The following OXR1 variants were observed in gnomAD, a reference collection of about 807,000 sequenced individuals.
OXR1 encodes oxidation resistance protein 1.
In OXR1, 41 loss-of-function variants were observed where a neutral mutation model predicts 104.6. The ratio of observed to expected loss-of-function variants is 0.39; its 90% confidence interval spans 0.31 to 0.51. OXR1 has a LOEUF of 0.51. Among genes scored for constraint, OXR1 ranks in the 20% least tolerant of loss-of-function variants. The pLI is 0.77. For synonymous variants in OXR1, 348 were observed against 348.4 expected, an observed-to-expected ratio of 1.00 and a Z score of 0.01; for missense variants, 955 against 1,031.9, an observed-to-expected ratio of 0.93 and a Z score of 1.02.
chr8:106,530,865 CAT>C (rs1313670281), intron 3 of OXR1, among the ~76,000 whole-genome samples: 1 of 152,004 alleles, frequency 6.6e-6, no homozygotes, highest in Non-Finnish European at 1.5e-5. Context: ...ATAACTGAAA[CAT>C]GATTTCAGGA....
At chr8:106,696,979 C>T (rs1830099174) in intron 7 of OXR1, among the ~76,000 whole-genome samples, 1 of 152,156 alleles carries the variant, frequency 6.6e-6, no homozygotes, top group South Asian at 2.1e-4. Flanking sequence ...AATTAAGTTC[C>T]TGCAGCCACA....
chr8:106,502,491 G>A (rs905682672), intron 2 of OXR1, among the ~76,000 whole-genome samples: 2 of 152,134 alleles, frequency 1.3e-5, no homozygotes, highest in African/African-American at 2.4e-5. Flanking sequence ...TACAGTCCAT[G>A]CCCACCAGAT....
chr8:106,456,208 A>T (rs1820587240), intron 2 of OXR1, among the ~76,000 whole-genome samples: 1 of 152,206 alleles, frequency 6.6e-6, no homozygotes, highest in Non-Finnish European at 1.5e-5. Flanking sequence ...CACCCAGAGG[A>T]TGAAGATATA....
At chr8:106,294,397 A>C (rs1240320165) in intron 1 of OXR1, among the ~76,000 whole-genome samples, 1 of 138,182 alleles carries the variant, frequency 7.2e-6, no homozygotes, top group Admixed American at 7.4e-5. Context: ...CTCTGTCTCA[A>C]AAAAAAAAAA....
chr8:106,573,251 TG>T (rs1241535543), intron 3 of OXR1, among the ~76,000 whole-genome samples: 2 of 151,726 alleles, frequency 1.3e-5, no homozygotes, highest in Non-Finnish European at 2.9e-5. Context: ...ACCCCACCCC[TG>T]CCCCACCACA....
In OXR1 at chr8:106,557,554, T is replaced by C. The variant is rs944834291; in HGVS notation, c.220+38415T>C. Among the ~76,000 whole-genome samples the C allele has an allele frequency of 1.6e-4, 24 of 151,750 alleles. 1 individual carries two copies. The highest frequency in any genetic ancestry group is 5.3e-4 in the African/African-American group (22 of 41,354). ...CTACTGTTTTTTAGAATTCTACTTT[T>C]TTTTTTTTAAATTAGGAATAACTTT... On this transcript the variant is annotated intron_variant, in intron 3 of 16. Transcript: ENST00000517566.
intron 2 of OXR1, among the ~76,000 whole-genome samples, chr8:106,461,706 C>A (rs908684338): frequency 2.0e-5 from 3 of 152,132 alleles, no homozygotes; most frequent in Non-Finnish European, 4.4e-5. Flanking sequence ...TGTAAATTGA[C>A]AATAATATTA....
In OXR1 at chr8:106,706,375, A is replaced by G. The variant is rs1360719204; in HGVS notation, c.861-7A>G. ...GTCTAATTATTTTTAATTTTGTTTA[A>G]TGACAGAGATATAGATCAGCTATCA... On this transcript the variant is annotated splice_polypyrimidine_tract_variant and splice_region_variant and intron_variant, in intron 8 of 16. Coordinates refer to ENST00000517566, the MANE Select transcript of OXR1 (RefSeq NM_001198533.2). 2 of 1,542,112 alleles carry G rather than the reference A, an allele frequency of 1.3e-6. No homozygotes were observed. Among genetic ancestry groups the G allele is most frequent in the Admixed American group, 2.4e-5 (1 of 41,400 alleles).
chr8:106,674,011 T>C (rs898153341), intron 3 of OXR1, among the ~76,000 whole-genome samples: 1 of 152,194 alleles, frequency 6.6e-6, no homozygotes, highest in African/African-American at 2.4e-5. Flanking sequence ...AAGTGAAATG[T>C]GGGGTCAGAG....
intron 2 of OXR1, among the ~76,000 whole-genome samples, chr8:106,473,427 A>G (rs930596444): frequency 2.6e-5 from 4 of 151,930 alleles, no homozygotes; most frequent in African/African-American, 9.7e-5. Flanking sequence ...TGCCCTCATT[A>G]AGTACCTCAT....
At chr8:106,731,951 T>A (rs1833930156) in intron 11 of OXR1, among the ~76,000 whole-genome samples, 1 of 152,172 alleles carries the variant, frequency 6.6e-6, no homozygotes, top group East Asian at 1.9e-4. Flanking sequence ...TGGTAGAATT[T>A]TGATTGAAAT....
rs554411591 is a variant in OXR1 at position 106,291,701 on chromosome 8, AGAGACTCG to A, written c.-139+21336_-139+21343del. Among the ~76,000 whole-genome samples, 123 of 152,308 alleles carry A rather than the reference AGAGACTCG, an allele frequency of 8.1e-4. 1 individual carries two copies. Among genetic ancestry groups the A allele is most frequent in the African/African-American group, 2.7e-3 (112 of 41,564 alleles). ...TTTCACACTGCTGTGAAGAAATACCAGAGACTCGGTAATTTTTGAAGAAAAGGAGGTTT... is the reference window on the plus strand; with the variant it reads ...TTTCACACTGCTGTGAAGAAATACCAGTAATTTTTGAAGAAAAGGAGGTTT... On this transcript the variant is annotated intron_variant, in intron 1 of 16. Coordinates refer to ENST00000517566, the MANE Select transcript of OXR1 (RefSeq NM_001198533.2).
chr8:106,405,202 AGTGT>A (rs58338664), intron 2 of OXR1, among the ~76,000 whole-genome samples: 29 of 20,014 alleles, frequency 1.4e-3, no homozygotes, highest in South Asian at 2.5e-3. Flanking sequence ...ATATATATAT[AGTGT>A]GTGTGTGTGT....
intron 2 of OXR1, chr8:106,448,065 A>C (rs1340654937): frequency 6.5e-7 from 1 of 1,535,800 alleles, no homozygotes; most frequent in South Asian, 1.2e-5. Context: ...GGGATCTATC[A>C]GCCTCCATCT....
chr8:106,689,164 G>A (rs1044366438), intron 6 of OXR1, among the ~76,000 whole-genome samples: 4 of 152,054 alleles, frequency 2.6e-5, no homozygotes, highest in African/African-American at 4.8e-5. Context: ...CTATTGGTAC[G>A]ACCATGCTCC....
rs181829108 is a variant in OXR1 at position 106,624,112 on chromosome 8, C to T, written c.221-55098C>T. Among the ~76,000 whole-genome samples, 191 of 152,224 alleles carry T rather than the reference C, an allele frequency of 1.3e-3. No homozygotes were observed. In the Middle Eastern group the frequency reaches 0.024, roughly 19 times the overall value. ...TTGTTTCTCTGGAAAGTCAGGTTTTCGACCAATTATTTCCCTGATTTGACA... is the reference window on the plus strand; with the variant it reads ...TTGTTTCTCTGGAAAGTCAGGTTTTTGACCAATTATTTCCCTGATTTGACA... On this transcript the variant is annotated intron_variant, in intron 3 of 16. Coordinates refer to ENST00000517566, the MANE Select transcript of OXR1 (RefSeq NM_001198533.2).
At chr8:106,271,508 A>C (rs1379857825) in intron 1 of OXR1, among the ~76,000 whole-genome samples, 3 of 152,054 alleles carry the variant, frequency 2.0e-5, no homozygotes, top group African/African-American at 7.2e-5. Context: ...GAAGTCAGGC[A>C]GAAGTCTGCA....
At chr8:106,436,130 C>A (rs1336044394) in intron 2 of OXR1, among the ~76,000 whole-genome samples, 1 of 151,900 alleles carries the variant, frequency 6.6e-6, no homozygotes, top group East Asian at 1.9e-4. Flanking sequence ...AAAATTAGAG[C>A]TAGTAATTAT....
chr8:106,691,619 C>CATATATATATATAT lies in OXR1; in HGVS notation c.526-1099_526-1086dup, dbSNP rs35095319. 6.4e-5 allele frequency among the ~76,000 whole-genome samples: 9 copies of CATATATATATATAT among 140,974 alleles called. No homozygotes were observed. The East Asian group carries it at 1.2e-3, about 19-fold the overall frequency. The allele number at this position is 140,974 out of a possible 152,430, so 92.5% of individuals were successfully genotyped here. ...ATATGACAATGTGCACATATATATACATATATATATATATATATATATACA... is the reference window on the plus strand; with the variant it reads ...ATATGACAATGTGCACATATATATACATATATATATATATATATATATATATATATATATATACA... On this transcript the variant is annotated intron_variant, in intron 6 of 16. Transcript: ENST00000517566.
Sources: allele counts gnomAD v4.1 joint callset (sites outside exome capture counted in the v4.1 genomes callset), GRCh38; gene constraint gnomAD v4.1.1; transcripts MANE v1.5; gene names NCBI Gene and HGNC (gene_info 2026-07-23, HGNC 2026-07-21).